PREP: variants seen among roughly 807,000 people sequenced by gnomAD.
PREP encodes prolyl endopeptidase, also known as dJ355L5.1 (prolyl endopeptidase).
Under a neutral mutation model 87.6 loss-of-function variants are expected in PREP, and 29 were observed. That is an observed-to-expected ratio of 0.33 (90% confidence interval 0.25 to 0.45). PREP has a LOEUF of 0.45. Ranked by LOEUF, PREP falls within the 20% of genes least tolerant of loss-of-function variation. The pLI is 1.00. For synonymous variants in PREP, 337 were observed against 328.6 expected, an observed-to-expected ratio of 1.03 and a Z score of -0.28; for missense variants, 695 against 886.5, an observed-to-expected ratio of 0.78 and a Z score of 2.74.
intron 6 of PREP, among the ~76,000 whole-genome samples, chr6:105,359,257 T>A (rs1049659336): frequency 1.3e-5 from 2 of 152,046 alleles, no homozygotes; most frequent in Non-Finnish European, 2.9e-5. Context: ...CACTAAAGGA[T>A]ACAGACACAC....
chr6:105,274,583 T>C lies in PREP; in HGVS notation c.*3561A>G, dbSNP rs961618854. Among the ~76,000 whole-genome samples, 4 of 152,060 alleles carry C rather than the reference T, an allele frequency of 2.6e-5. No individual in the cohort carries two copies. The highest frequency in any genetic ancestry group is 4.4e-5 in the Non-Finnish European group (3 of 67,994). On this transcript the variant is annotated 3_prime_UTR_variant, in exon 15 of 15. Coordinates refer to ENST00000652536, the MANE Select transcript of PREP (RefSeq NM_002726.5). ...GAGTTCAAGACCAGCCTGGCCAACA[T>C]GGTGAAACCCCATCTCTACTAAAAA...
chr6:105,353,178 G>A, intron 6 of PREP, 101 bp from the exon 7 acceptor site: 1 of 905,152 alleles, frequency 1.1e-6, no homozygotes. Flanking sequence ...ATTTTCAAAG[G>A]CAGTGTCTCT....
At chr6:105,391,703 T>A (rs1001629563) in intron 2 of PREP, among the ~76,000 whole-genome samples, 9 of 152,106 alleles carry the variant, frequency 5.9e-5, no homozygotes, top group Admixed American at 2.6e-4. Context: ...GAGCCCATGA[T>A]AAAGTAAGAT....
chr6:105,368,243 A>G (rs540149351), intron 6 of PREP, among the ~76,000 whole-genome samples: 6 of 152,302 alleles, frequency 3.9e-5, no homozygotes, highest in African/African-American at 1.4e-4. Context: ...CTTCTCTAAC[A>G]AGAAGTATTT....
At chr6:105,398,703 T>C (rs1250371206) in intron 1 of PREP, among the ~76,000 whole-genome samples, 2 of 152,102 alleles carry the variant, frequency 1.3e-5, no homozygotes, top group African/African-American at 2.4e-5. Flanking sequence ...TTGAAGGCGT[T>C]TGAAGGAGCA....
intron 12 of PREP, 27 bp from the exon 13 acceptor site, chr6:105,282,609 T>A: frequency 1.2e-6 from 2 of 1,602,548 alleles, no homozygotes; most frequent in Non-Finnish European, 1.7e-6. Flanking sequence ...TGGAAGATAG[T>A]TAATTAACAA....
At chr6:105,384,847 C>A (rs760614477) in intron 2 of PREP, among the ~76,000 whole-genome samples, 1 of 152,060 alleles carries the variant, frequency 6.6e-6, no homozygotes, top group Non-Finnish European at 1.5e-5. Flanking sequence ...CAGAGAAAAG[C>A]AGATGACCTA....
rs1432556260 is a variant in PREP, at chr6:105,278,799, A to C, written c.1839-361T>G. ...AATAATTGTCATTATAACCACACTCAGTGGTTCAAAAAAAGTCCAAGCCTT... is the reference window on the plus strand; with the variant it reads ...AATAATTGTCATTATAACCACACTCCGTGGTTCAAAAAAAGTCCAAGCCTT... On this transcript the variant is annotated intron_variant, in intron 14 of 14. Coordinates refer to ENST00000652536, the MANE Select transcript of PREP (RefSeq NM_002726.5). This position sits in a 1 kb window ranked among gnomAD's most constrained non-coding sequence, Gnocchi z 4.2. 6.6e-6 allele frequency among the ~76,000 whole-genome samples: 1 copy of C among 152,158 alleles called. No homozygotes were observed. Among genetic ancestry groups the C allele is most frequent in the Non-Finnish European group, 1.5e-5 (1 of 68,038 alleles).
Position 105,282,666 on chromosome 6 carries a change from C to A in PREP, c.1550-84G>T. ...TAATGGGAATTCAAATGATAGAGCA[C>A]GGTTTCAAATACTGATTAACTTAAA... On this transcript the variant is annotated intron_variant, in intron 12 of 14. Transcript: ENST00000652536. The A allele has an allele frequency of 2.7e-6, 4 of 1,473,976 alleles. No homozygotes were observed. The South Asian group carries it at 3.9e-5, about 14-fold the overall frequency. The allele number at this position is 1,473,976 out of a possible 1,614,324, so 91.3% of individuals were successfully genotyped here.
chr6:105,349,184 G>C (rs1191735655), intron 7 of PREP, among the ~76,000 whole-genome samples: 1 of 152,156 alleles, frequency 6.6e-6, no homozygotes, highest in African/African-American at 2.4e-5. Context: ...CAGTTACTGG[G>C]TAAAGGATGT....
At chr6:105,397,539 T>G (rs9320114) in intron 2 of PREP, among the ~76,000 whole-genome samples, 29,197 of 152,220 alleles carry the variant, frequency 0.19, 2,992 homozygotes, top group Middle Eastern at 0.29. Context: ...ATCATTTCTA[T>G]CTAGGTTTTC....
chr6:105,392,927 T>C (rs1193117604), intron 2 of PREP, among the ~76,000 whole-genome samples: 3 of 152,232 alleles, frequency 2.0e-5, no homozygotes, highest in South Asian at 2.1e-4. Context: ...GGGGGCAACG[T>C]AGGCCTTTCC....
intron 7 of PREP, among the ~76,000 whole-genome samples, chr6:105,349,386 A>G (rs1307033855): frequency 6.6e-6 from 1 of 152,230 alleles, no homozygotes; most frequent in Admixed American, 6.5e-5. Flanking sequence ...ATCGCATTTA[A>G]CTTTCAAGTT....
chr6:105,330,993 A>G (rs1370323880), intron 8 of PREP, among the ~76,000 whole-genome samples: 1 of 152,218 alleles, frequency 6.6e-6, no homozygotes, highest in African/African-American at 2.4e-5. Context: ...AAATGAAGTA[A>G]ATTATAGCTG....
intron 11 of PREP, among the ~76,000 whole-genome samples, chr6:105,285,897 T>G (rs1770181154): frequency 6.6e-6 from 1 of 152,184 alleles, no homozygotes; most frequent in South Asian, 2.1e-4. Flanking sequence ...TGCCTCAGCC[T>G]CCTGAGTAGC....
intron 2 of PREP, among the ~76,000 whole-genome samples, 190 bp from the exon 3 acceptor site, chr6:105,377,709 T>C (rs1368192488): frequency 6.6e-6 from 1 of 152,234 alleles, no homozygotes; most frequent in Non-Finnish European, 1.5e-5. Context: ...GACTGATTAA[T>C]ATGTAGTAAC....
intron 9 of PREP, among the ~76,000 whole-genome samples, chr6:105,324,877 A>C (rs762939956): frequency 1.3e-5 from 2 of 152,222 alleles, no homozygotes; most frequent in African/African-American, 4.8e-5. Flanking sequence ...CTCAATTCTC[A>C]TGATTGCAGA....
intron 10 of PREP, among the ~76,000 whole-genome samples, chr6:105,308,163 A>T (rs534838621): frequency 8.5e-5 from 13 of 152,324 alleles, no homozygotes; most frequent in African/African-American, 2.9e-4. Flanking sequence ...AATTGAATGC[A>T]TGAAAGAAGC....
intron 6 of PREP, among the ~76,000 whole-genome samples, chr6:105,361,550 A>G (rs1772246427): frequency 6.6e-6 from 1 of 152,200 alleles, no homozygotes; most frequent in Non-Finnish European, 1.5e-5. Flanking sequence ...TGTTATAATA[A>G]AAGAATTAGT....
Sources: gnomAD v4.1 joint callset for allele counts (sites outside exome capture counted in the v4.1 genomes callset) on GRCh38, gnomAD v4.1.1 for gene constraint, Gnocchi (gnomAD v3.1) non-coding constraint, MANE v1.5 for transcripts, NCBI Gene and HGNC (gene_info 2026-07-23, HGNC 2026-07-21) for gene names.